FAM217B: variants seen among roughly 807,000 people sequenced by gnomAD.
FAM217B encodes protein FAM217B.
For synonymous variants in FAM217B, 163 were observed against 173.0 expected (o/e 0.94, Z 0.45); for missense variants, 463 against 456.9 (o/e 1.01, Z -0.12).
At position 59,945,371 on chromosome 20, in the gene FAM217B, G is replaced by A. The variant is rs186097749; in HGVS notation, c.*276G>A. On this transcript the variant is annotated 3_prime_UTR_variant, in exon 4 of 4. Transcript: ENST00000360816. ...ATGTGCCATATAAAGGAATAAAATG[G>A]CACCTCTCCAGGGAAAGTGTCAGTG... 12 of 300,250 alleles carry A rather than the reference G, an allele frequency of 4.0e-5. No homozygotes were observed. In the East Asian group the frequency reaches 1.0e-3, roughly 26 times the overall value. The allele number at this position is 300,250 out of a possible 1,614,324, so 18.6% of individuals were successfully genotyped here.
chr20:59,939,952 G>T (rs765343357), upstream of FAM217B: 1 of 1,262,342 alleles, frequency 7.9e-7, no homozygotes, highest in Non-Finnish European at 1.0e-6. Flanking sequence ...GCCGTCGGAA[G>T]ATGAGGCAGG....
rs775773425 is a variant in FAM217B at position 59,942,240 on chromosome 20, G to A, written c.-160G>A. On this transcript the variant is annotated 5_prime_UTR_variant, in exon 2 of 4. Transcript: ENST00000360816. ...CCTTTCCAAATATAAGAGGAATAAA[G>A]AAGTCACCTCCCCAGCTGTCATCAT... 4 of 152,618 alleles carry A rather than the reference G, an allele frequency of 2.6e-5. No homozygotes were observed. The highest frequency in any genetic ancestry group is 5.9e-5 in the Non-Finnish European group (4 of 68,026). 9.5% of individuals were successfully genotyped at this position (152,618 alleles called of 1,614,324 possible).
rs1211222005 is a variant in FAM217B at position 59,947,911 on chromosome 20, A to G, written c.*2816A>G. 3.0e-5 allele frequency: 5 copies of G among 167,072 alleles called. No homozygotes were observed. The highest frequency in any genetic ancestry group is 2.9e-5 in the Non-Finnish European group (2 of 68,110). 10.3% of individuals were successfully genotyped at this position (167,072 alleles called of 1,614,324 possible). A position where few individuals can be genotyped will look rare whatever the true frequency, so the allele number is the denominator to read the frequency against. ...TGAACTCATTCAATTCATCAAGTCA[A>G]AAGCACTGAGTGTTTTGCTAGTCTA... On this transcript the variant is annotated 3_prime_UTR_variant, in exon 4 of 4. Transcript: ENST00000360816.
upstream of FAM217B, among the ~76,000 whole-genome samples, chr20:59,936,317 A>G (rs929369030): frequency 3.9e-5 from 6 of 152,350 alleles, no homozygotes; most frequent in Middle Eastern, 3.4e-3. Context: ...CAGCTAAGAA[A>G]AAGGGGATAT....
chr20:59,947,864 A>G lies in FAM217B; in HGVS notation c.*2769A>G, dbSNP rs1171559147. 1 of 167,052 alleles carries G rather than the reference A, an allele frequency of 6.0e-6. No homozygotes were observed. The highest frequency in any genetic ancestry group is 1.5e-5 in the Non-Finnish European group (1 of 68,114). 10.3% of individuals were successfully genotyped at this position (167,052 alleles called of 1,614,324 possible). The stretch of plus-strand genomic sequence containing the variant: ...AAGAATCTTGCTATTTTTCAAGTAG[A>G]CAACATTAGAAAGTTGAATCATGAA... On this transcript the variant is annotated 3_prime_UTR_variant, in exon 4 of 4. Coordinates refer to ENST00000360816, the MANE Select transcript of FAM217B (RefSeq NM_022106.3).
At position 59,948,264 on chromosome 20, in the gene FAM217B, G is replaced by A. The variant is rs1223276084; in HGVS notation, c.*3169G>A. On this transcript the variant is annotated 3_prime_UTR_variant, in exon 4 of 4. Coordinates refer to ENST00000360816, the MANE Select transcript of FAM217B (RefSeq NM_022106.3). ...AGACTTCATACCCTGTGACAAAAAG[G>A]ATGGGGAAGAGAATATCATTGGTCT... is the stretch of plus-strand genomic sequence containing the variant. The A allele has an allele frequency of 1.2e-5, 2 of 167,006 alleles. No homozygotes were observed. The highest frequency in any genetic ancestry group is 3.8e-4 in the East Asian group (2 of 5,200). The allele number at this position is 167,006 out of a possible 1,614,324, so 10.3% of individuals were successfully genotyped here. A position where few individuals can be genotyped will look rare whatever the true frequency, so the allele number is the denominator to read the frequency against.
chr20:59,939,527 G>A (rs1408495458), upstream of FAM217B: 9 of 1,611,866 alleles, frequency 5.6e-6, no homozygotes, highest in South Asian at 4.4e-5. Flanking sequence ...AGTTGATTGC[G>A]AGCCGCGACA....
chr20:59,933,834 G>C (rs1013784068), exon 1 of FAM217B: 1 of 151,178 alleles, frequency 6.6e-6, no homozygotes, highest in African/African-American at 2.4e-5. Flanking sequence ...CTGTGGGCGC[G>C]GCTCAGGCCA....
intron 1 of FAM217B, among the ~76,000 whole-genome samples, chr20:59,935,284 T>C (rs2060853849): frequency 3.3e-5 from 5 of 152,228 alleles, no homozygotes; most frequent in Admixed American, 3.3e-4. Flanking sequence ...TTTTTTACCT[T>C]GCCGCTTTTT....
rs2060936691 is a variant in FAM217B at position 59,946,294 on chromosome 20, T to G, written c.*1199T>G. ...GTTTTCTGTTCATATTTGCGCAGTG[T>G]ATTTTAATACGGCCCATGTCATTAT... is the stretch of plus-strand genomic sequence containing the variant. On this transcript the variant is annotated 3_prime_UTR_variant, in exon 4 of 4. Coordinates refer to ENST00000360816, the MANE Select transcript of FAM217B (RefSeq NM_022106.3). 6.0e-6 allele frequency: 1 copy of G among 167,094 alleles called. No individual in the cohort carries two copies. Among genetic ancestry groups the G allele is most frequent in the Non-Finnish European group, 1.5e-5 (1 of 68,122 alleles). 10.4% of individuals were successfully genotyped at this position (167,094 alleles called of 1,614,324 possible).
At chr20:59,936,273 A>C (rs184343216), upstream of FAM217B, among the ~76,000 whole-genome samples, 3 of 152,348 alleles carry the variant, frequency 2.0e-5, no homozygotes, top group East Asian at 5.8e-4. Flanking sequence ...TATGTGGCCT[A>C]TGGCTGTACT....
chr20:59,941,405 A>T lies in FAM217B; in HGVS notation c.-202-793A>T, dbSNP rs2060904186. Among the ~76,000 whole-genome samples the T allele has an allele frequency of 2.0e-5, 3 of 152,252 alleles. No individual in the cohort carries two copies. In the South Asian group the frequency reaches 6.2e-4, roughly 32 times the overall value. The stretch of plus-strand genomic sequence containing the variant: ...ATTTATCATTGGATGTAAGCTAACT[A>T]AAAAGGCTTACATGATTAATGTGGG... On this transcript the variant is annotated intron_variant, in intron 1 of 3. Coordinates refer to ENST00000360816, the MANE Select transcript of FAM217B (RefSeq NM_022106.3).
upstream of FAM217B, chr20:59,937,818 T>A (rs544654422): frequency 4.9e-4 from 75 of 152,672 alleles, no homozygotes; most frequent in African/African-American, 1.7e-3. Flanking sequence ...GTTGACGGTT[T>A]AAAAACATAA....
chr20:59,941,746 G>A (rs958524734), intron 1 of FAM217B, among the ~76,000 whole-genome samples: 3 of 152,188 alleles, frequency 2.0e-5, no homozygotes, highest in African/African-American at 7.2e-5. Context: ...ACAGGGACGT[G>A]CATAATCATT....
At chr20:59,939,776 C>T (rs532873427), upstream of FAM217B, 10 of 1,223,278 alleles carry the variant, frequency 8.2e-6, no homozygotes, top group South Asian at 2.9e-4. Context: ...CTGGCGTTGG[C>T]GGCGGCGCGC....
rs548552912 is a variant in FAM217B at position 59,944,325 on chromosome 20, G to T, written c.382G>T (p.Asp128Tyr). The change falls in exon 4 of 4, where the codon GAT becomes TAT. Residue 128 changes from aspartate (D) to tyrosine (Y), a missense_variant. Coordinates refer to ENST00000360816, the MANE Select transcript of FAM217B (RefSeq NM_022106.3). ...TGAAGAAATTGATCCAGTTTACTTT[G>T]ATCTTCACCCTGGTCAGGGCCATAC... ...RAEEIDPVYF[D>Y]LHPGQGHTKP... 2.9e-5 allele frequency: 46 copies of T among 1,614,014 alleles called. No individual in the cohort carries two copies. In the South Asian group the frequency reaches 4.8e-4, roughly 17 times the overall value.
At chr20:59,942,059 G>T (rs2060908543) in intron 1 of FAM217B, 139 bp from the exon 2 acceptor site, 1 of 152,334 alleles carries the variant, frequency 6.6e-6, no homozygotes, top group Non-Finnish European at 1.5e-5. Flanking sequence ...TCATAACCTA[G>T]AGTGCAAACC....
In FAM217B at chr20:59,947,233, G is replaced by A. The variant is rs979236236; in HGVS notation, c.*2138G>A. The stretch of plus-strand genomic sequence containing the variant: ...TTAAGAAATTTAGAGGTGGCTGGGC[G>A]TGGTGGCTCACGCCTGTAATCCCAG... On this transcript the variant is annotated 3_prime_UTR_variant, in exon 4 of 4. Transcript: ENST00000360816. 4.8e-5 allele frequency: 8 copies of A among 166,756 alleles called. No homozygotes were observed. The highest frequency in any genetic ancestry group is 1.0e-4 in the Non-Finnish European group (7 of 68,208). 10.3% of individuals were successfully genotyped at this position (166,756 alleles called of 1,614,324 possible). A position where few individuals can be genotyped will look rare whatever the true frequency, so the allele number is the denominator to read the frequency against.
chr20:59,944,334 C>G lies in FAM217B; in HGVS notation c.391C>G (p.Pro131Ala). Residue 131 changes from proline (P) to alanine (A), a missense_variant, in exon 4 of 4, where the codon CCT becomes GCT. By Grantham distance (27) the Pro-to-Ala change is conservative. Transcript: ENST00000360816. ...EIDPVYFDLH[P>A]GQGHTKPEYY... ...TGATCCAGTTTACTTTGATCTTCAC[C>G]CTGGTCAGGGCCATACAAAACCTGA... 1 of 1,614,056 alleles carries G rather than the reference C, an allele frequency of 6.2e-7. No homozygotes were observed.
Sources: allele counts gnomAD v4.1 joint callset (sites outside exome capture counted in the v4.1 genomes callset), GRCh38; gene constraint gnomAD v4.1.1; transcripts MANE v1.5; gene names NCBI Gene and HGNC (gene_info 2026-07-23, HGNC 2026-07-21).